The following RABGAP1L variants were observed in gnomAD, a reference collection of about 807,000 sequenced individuals.
RABGAP1L encodes rab GTPase-activating protein 1-like.
In RABGAP1L, 63 loss-of-function variants were observed where a neutral mutation model predicts 137.7. The ratio of observed to expected loss-of-function variants is 0.46; its 90% confidence interval spans 0.37 to 0.56. The LOEUF (loss-of-function observed/expected upper bound fraction) is 0.56, where lower values mean the gene tolerates loss of function less well. Among genes scored for constraint, RABGAP1L ranks in the 20% least tolerant of loss-of-function variants. RABGAP1L has a pLI of 0.00. For synonymous variants in RABGAP1L, 431 were observed against 433.7 expected, an observed-to-expected ratio of 0.99 and a Z score of 0.08; for missense variants, 1,095 against 1,244.0, an observed-to-expected ratio of 0.88 and a Z score of 1.80.
chr1:174,503,018 A>G (rs1199842730), intron 13 of RABGAP1L, among the ~76,000 whole-genome samples: 3 of 152,288 alleles, frequency 2.0e-5, no homozygotes, highest in Admixed American at 2.0e-4. Context: ...GTGCTTGTGC[A>G]TACATACATA....
At chr1:174,380,144 G>T (rs978799499) in intron 12 of RABGAP1L, among the ~76,000 whole-genome samples, 12 of 151,664 alleles carry the variant, frequency 7.9e-5, no homozygotes, top group African/African-American at 2.9e-4. Context: ...AAGCCCACTT[G>T]ATCATGGTGG....
intron 13 of RABGAP1L, chr1:174,548,185 ATC>A: frequency 6.9e-7 from 1 of 1,450,770 alleles, no homozygotes; most frequent in South Asian, 1.5e-5. Context: ...TGTGTGCATA[ATC>A]TCTCAGGGTG....
chr1:174,925,860 T>G (rs1223876419), intron 19 of RABGAP1L, among the ~76,000 whole-genome samples: 1 of 30,602 alleles, frequency 3.3e-5, no homozygotes, highest in Non-Finnish European at 5.0e-5. Flanking sequence ...TTGTTGTTGG[T>G]TTTTTTTTTG....
intron 19 of RABGAP1L, among the ~76,000 whole-genome samples, chr1:174,837,438 T>A (rs559338790): frequency 1.8e-4 from 28 of 152,330 alleles, no homozygotes; most frequent in Admixed American, 1.6e-3. Flanking sequence ...TAAAAAATTA[T>A]CAGATTATTT....
chr1:174,866,285 A>C (rs1573573419), intron 19 of RABGAP1L, among the ~76,000 whole-genome samples: 2 of 152,214 alleles, frequency 1.3e-5, no homozygotes, highest in Admixed American at 6.5e-5. Context: ...TAGATTTAAC[A>C]TAAAAAATTA....
intron 14 of RABGAP1L, among the ~76,000 whole-genome samples, chr1:174,664,697 T>TTC (rs1277384139): frequency 2.2e-4 from 33 of 149,520 alleles, no homozygotes; most frequent in African/African-American, 7.4e-4. Flanking sequence ...TTATGGTTCT[T>TTC]TCTCTCTCTC....
chr1:174,659,672 C>A (rs1289755681), intron 14 of RABGAP1L, among the ~76,000 whole-genome samples: 1 of 152,164 alleles, frequency 6.6e-6, no homozygotes, highest in Non-Finnish European at 1.5e-5. Flanking sequence ...ATATATCTGA[C>A]CCCAACCAAT....
chr1:174,854,905 T>C (rs1036648715), intron 19 of RABGAP1L, among the ~76,000 whole-genome samples: 2 of 151,626 alleles, frequency 1.3e-5, no homozygotes, highest in Admixed American at 1.3e-4. Context: ...ATCTGGCTAG[T>C]TTTTGTATTT....
chr1:174,947,297 C>A (rs1044243408), intron 19 of RABGAP1L, among the ~76,000 whole-genome samples: 7 of 150,530 alleles, frequency 4.7e-5, no homozygotes, highest in Admixed American at 3.3e-4. Context: ...TCAGGCTGGT[C>A]TCAAACTCTC....
intron 12 of RABGAP1L, among the ~76,000 whole-genome samples, chr1:174,380,290 A>G (rs1419686833): frequency 2.6e-5 from 4 of 152,168 alleles, no homozygotes; most frequent in Admixed American, 2.6e-4. Context: ...TATCAGAATG[A>G]TGCTGGCCTT....
At chr1:174,778,313 T>C (rs1686694962) in intron 18 of RABGAP1L, among the ~76,000 whole-genome samples, 1 of 152,130 alleles carries the variant, frequency 6.6e-6, no homozygotes, top group Non-Finnish European at 1.5e-5. Context: ...TCTCAAAAAC[T>C]AAGATGAAAT....
At chr1:174,240,871 T>G (rs892239795) in intron 4 of RABGAP1L, among the ~76,000 whole-genome samples, 9 of 152,146 alleles carry the variant, frequency 5.9e-5, no homozygotes, top group Non-Finnish European at 1.3e-4. Flanking sequence ...AATGAGTTGG[T>G]TCATAGGAAA....
rs1023796808 is a variant in RABGAP1L, at chr1:174,621,320, C to T, written c.1711-16055C>T. On this transcript the variant is annotated intron_variant, in intron 13 of 25. Coordinates refer to ENST00000681986, the MANE Select transcript of RABGAP1L (RefSeq NM_001366446.1). Reference sequence around the variant, plus strand: ...TTCAATGCCATCCCCATCAAGCTACCAATGACTTTCTTCACAGAACTGGAG... The same window carrying T: ...TTCAATGCCATCCCCATCAAGCTACTAATGACTTTCTTCACAGAACTGGAG... Among the ~76,000 whole-genome samples the T allele has an allele frequency of 6.6e-5, 10 of 152,314 alleles. No individual in the cohort carries two copies. The East Asian group carries it at 1.9e-3, about 29-fold the overall frequency.
intron 13 of RABGAP1L, among the ~76,000 whole-genome samples, chr1:174,586,354 C>T (rs1669114035): frequency 6.7e-6 from 1 of 150,048 alleles, no homozygotes; most frequent in South Asian, 2.1e-4. Context: ...AACACATGGA[C>T]ACAGGGAGGG....
At chr1:174,800,633 C>G in intron 18 of RABGAP1L, 2 of 1,338,124 alleles carry the variant, frequency 1.5e-6, no homozygotes, top group South Asian at 3.0e-5. Flanking sequence ...GAAGGAAATG[C>G]TGAGTGGCCA....
intron 14 of RABGAP1L, among the ~76,000 whole-genome samples, chr1:174,657,238 A>G (rs1286827094): frequency 1.3e-5 from 2 of 152,206 alleles, no homozygotes; most frequent in Admixed American, 6.5e-5. Flanking sequence ...TGAAATATTT[A>G]TCATTTCTTT....
chr1:174,826,966 T>C (rs1346492963), intron 19 of RABGAP1L, among the ~76,000 whole-genome samples: 1 of 152,178 alleles, frequency 6.6e-6, no homozygotes, highest in Non-Finnish European at 1.5e-5. Flanking sequence ...ACAACAGAAA[T>C]TTGCTTTCTC....
intron 13 of RABGAP1L, among the ~76,000 whole-genome samples, chr1:174,578,413 A>G (rs149333511): frequency 1.1e-3 from 168 of 151,928 alleles, no homozygotes; most frequent in Non-Finnish European, 1.6e-3. Context: ...TTCAAAAGCA[A>G]TTTTCCCACC....
chr1:174,403,040 C>A (rs944003245), intron 13 of RABGAP1L, among the ~76,000 whole-genome samples: 2 of 152,008 alleles, frequency 1.3e-5, no homozygotes, highest in African/African-American at 2.4e-5. Context: ...TAAAAATGAT[C>A]TTGTATGTAA....
Sources: allele counts gnomAD v4.1 joint callset (sites outside exome capture counted in the v4.1 genomes callset), GRCh38; gene constraint gnomAD v4.1.1; transcripts MANE v1.5; gene names NCBI Gene and HGNC (gene_info 2026-07-23, HGNC 2026-07-21).